The following AGBL5 variants were observed in gnomAD, a reference collection of about 807,000 sequenced individuals.
The protein encoded by AGBL5 is AGBL carboxypeptidase 5, also known as cytosolic carboxypeptidase-like protein 5.
In AGBL5, 51 loss-of-function variants were observed where a neutral mutation model predicts 88.0. The observed-to-expected ratio is 0.58, with a 90% confidence interval of 0.46 to 0.73. AGBL5 has a LOEUF of 0.73. AGBL5 is among the 30% of genes least tolerant of loss of function. The pLI is 0.00. For missense variants in AGBL5, 1,031 were observed against 1,162.2 expected, an observed-to-expected ratio of 0.89 and a Z score of 1.64; for synonymous variants, 446 against 438.8, an observed-to-expected ratio of 1.02 and a Z score of -0.21.
chr2:27,061,969 C>T (rs1302352037), intron 11 of AGBL5, among the ~76,000 whole-genome samples: 1 of 152,006 alleles, frequency 6.6e-6, no homozygotes, highest in African/African-American at 2.4e-5. Context: ...CCCGCCGCCA[C>T]GCCCAACAAA....
At chr2:27,068,589 T>G in intron 12 of AGBL5, 43 bp from the exon 13 acceptor site, 1 of 1,571,558 alleles carries the variant, frequency 6.4e-7, no homozygotes. Context: ...TTACCTCCTC[T>G]TCTCTGTGAC....
Position 27,070,507 on chromosome 2 carries a change from T to C in AGBL5, c.*244T>C, listed in dbSNP as rs1290693807. On this transcript the variant is annotated 3_prime_UTR_variant, in exon 15 of 15. Transcript: ENST00000360131. The stretch of plus-strand genomic sequence containing the variant: ...ACAAAAAAAAGTCTATATTTTTATA[T>C]TGGGGGGAGGGAGTAGAAAAGCAAG... The C allele has an allele frequency of 8.1e-6, 4 of 490,798 alleles. 1 individual carries two copies. The South Asian group carries it at 9.6e-5, about 12-fold the overall frequency. 30.4% of individuals were successfully genotyped at this position (490,798 alleles called of 1,614,324 possible). A position where few individuals can be genotyped will look rare whatever the true frequency, so the allele number is the denominator to read the frequency against.
At chr2:27,067,412 C>A (rs1198732450) in intron 11 of AGBL5, 82 bp from the exon 12 acceptor site, 40 of 1,434,582 alleles carry the variant, frequency 2.8e-5, no homozygotes, top group Non-Finnish European at 2.9e-6. Context: ...CTTTTGACCA[C>A]GGAAGCCAGC....
At position 27,052,928 on chromosome 2, in the gene AGBL5, C is replaced by CTGA. The variant is rs1558411058; in HGVS notation, c.-31_-30insTGA. ...TTTCCCCCAGCTCTCAGGGCCAGAG[C>CTGA]GGGGCAGGAGGATGCTTTCCCAGCC... On this transcript the variant is annotated 5_prime_UTR_variant, in exon 2 of 15. Transcript: ENST00000360131. 54 of 1,539,064 alleles carry CTGA rather than the reference C, an allele frequency of 3.5e-5. No individual in the cohort carries two copies. Among genetic ancestry groups the CTGA allele is most frequent in the Non-Finnish European group, 4.5e-5 (51 of 1,134,732 alleles).
chr2:27,068,981 CA>C, intron 13 of AGBL5: 1 of 1,471,492 alleles, frequency 6.8e-7, no homozygotes, highest in Non-Finnish European at 9.0e-7. Flanking sequence ...AGATATACCC[CA>C]ACCTTAGCCT....
At chr2:27,062,132 T>G (rs1325155456) in intron 11 of AGBL5, among the ~76,000 whole-genome samples, 1 of 148,148 alleles carries the variant, frequency 6.8e-6, no homozygotes, top group African/African-American at 2.5e-5. Context: ...TTTTTTTTTT[T>G]TTTTTTTTGA....
At chr2:27,050,782 C>T (rs1384562457), upstream of AGBL5, among the ~76,000 whole-genome samples, 4 of 152,192 alleles carry the variant, frequency 2.6e-5, no homozygotes, top group Non-Finnish European at 4.4e-5. Context: ...CGCAGCGGAG[C>T]CTTCGATAGC....
chr2:27,068,182 A>G (rs1669090192), intron 12 of AGBL5, among the ~76,000 whole-genome samples: 1 of 152,196 alleles, frequency 6.6e-6, no homozygotes, highest in East Asian at 1.9e-4. Flanking sequence ...CCAACCTGTC[A>G]ACTCTCCTCA....
upstream of AGBL5, among the ~76,000 whole-genome samples, chr2:27,050,772 C>G (rs376395063): frequency 6.6e-6 from 1 of 151,972 alleles, no homozygotes; most frequent in South Asian, 2.1e-4. Context: ...AGCATCTTAT[C>G]GCAGCGGAGC....
intron 11 of AGBL5, among the ~76,000 whole-genome samples, chr2:27,063,082 T>G (rs370839913): frequency 5.9e-5 from 9 of 152,084 alleles, no homozygotes; most frequent in Non-Finnish European, 8.8e-5. Context: ...AAAAGAGAGA[T>G]AAGTATTAGA....
Position 27,059,261 on chromosome 2 carries a change from G to A in AGBL5, c.1946G>A (p.Gly649Asp), listed in dbSNP as rs35804461. 1.8e-3 allele frequency: 2,930 copies of A among 1,614,236 alleles called. 49 individuals carry two copies. In the African/African-American group the frequency reaches 0.034, roughly 19 times the overall value. The change falls in exon 11 of 15, where the codon GGT (glycine) becomes GAT (aspartate). Residue 649 changes from glycine (G) to aspartate (D), a missense_variant. This residue lies in a region of AGBL5 where 491 missense variants were observed against 484.0 expected (regional missense o/e 1.01). Transcript: ENST00000360131. ...AGTTTTAGCACCGGCACAAGTGCCG[G>A]TGGTAGCAGCAGCAGCCAACAAAAT... ...ARSFSTGTSA[G>D]GSSSSQQNSP...
intron 14 of AGBL5, 76 bp downstream of exon 14, chr2:27,069,782 A>G (rs1669187730): frequency 6.5e-7 from 1 of 1,543,218 alleles, no homozygotes; most frequent in East Asian, 2.3e-5. Context: ...ATTCAGAATA[A>G]TTTTCTGCTT....
chr2:27,056,403 C>A, intron 7 of AGBL5: 1 of 601,782 alleles, frequency 1.7e-6, no homozygotes, highest in Non-Finnish European at 2.8e-6. Context: ...GAAAATTTTG[C>A]ATTGTTGGAG....
rs145410984 is a variant in AGBL5 at position 27,059,190 on chromosome 2, T to C, written c.1875T>C (p.Asn625=). Residue 625 remains asparagine, a splice_region_variant and synonymous_variant, in exon 11 of 15, where the codon AAT becomes AAC. Coordinates refer to ENST00000360131, the MANE Select transcript of AGBL5 (RefSeq NM_021831.6). Reference sequence around the variant, plus strand: ...TTAACTGGCATCTGCTTCTTTGCAGTGGGTTGCCTGTCTCCTGCTCCGAAA... The same window carrying C: ...TTAACTGGCATCTGCTTCTTTGCAGCGGGTTGCCTGTCTCCTGCTCCGAAA... ...RGLRTPPKSH[N]GLPVSCSENT... is the part of the protein sequence containing the mutation. 112 of 1,612,048 alleles carry C rather than the reference T, an allele frequency of 6.9e-5. No individual in the cohort carries two copies. Among genetic ancestry groups the C allele is most frequent in the Non-Finnish European group, 8.0e-5 (94 of 1,178,920 alleles).
Position 27,067,019 on chromosome 2 carries a change from G to T in AGBL5, c.2090-475G>T, listed in dbSNP as rs190085975. Among the ~76,000 whole-genome samples the T allele has an allele frequency of 3.7e-3, 556 of 152,032 alleles. 2 individuals carry two copies. Among genetic ancestry groups the T allele is most frequent in the Admixed American group, 0.012 (189 of 15,272 alleles). On this transcript the variant is annotated intron_variant, in intron 11 of 14. Transcript: ENST00000360131. ...AATCGCTTGAACCCGGGAGGCGGAG[G>T]TTGCAGTGAACCAAGATCGCACCAC...
At chr2:27,061,771 T>C (rs1414844472) in intron 11 of AGBL5, 1 of 152,164 alleles carries the variant, frequency 6.6e-6, no homozygotes, top group Non-Finnish European at 1.5e-5. Flanking sequence ...AGGGAAATAG[T>C]AAAGAGCTTT....
chr2:27,058,669 C>T, intron 10 of AGBL5, 67 bp downstream of exon 10: 1 of 1,536,496 alleles, frequency 6.5e-7, no homozygotes. Flanking sequence ...GCTAGGAGTT[C>T]CAAGGGATTT....
intron 12 of AGBL5, 62 bp downstream of exon 12, chr2:27,067,708 C>T: frequency 6.3e-7 from 1 of 1,598,480 alleles, no homozygotes; most frequent in Non-Finnish European, 8.6e-7. Flanking sequence ...AGGCCAGGTT[C>T]TTTAAGCCTA....
At chr2:27,066,933 A>G (rs1179040859) in intron 11 of AGBL5, among the ~76,000 whole-genome samples, 1 of 151,946 alleles carries the variant, frequency 6.6e-6, no homozygotes, top group Non-Finnish European at 1.5e-5. Context: ...AAATACAAAA[A>G]TTAGCCAGGC....
Sources: gnomAD v4.1 joint callset for allele counts (sites outside exome capture counted in the v4.1 genomes callset) on GRCh38, gnomAD v4.1.1 for gene constraint, gnomAD v4.1.1 regional missense constraint, MANE v1.5 for transcripts, NCBI Gene and HGNC (gene_info 2026-07-23, HGNC 2026-07-21) for gene names.